LRCH2: variants seen among roughly 807,000 people sequenced by gnomAD.
LRCH2 encodes the protein leucine rich repeats and calponin homology domain containing 2, also known as leucine-rich repeat and calponin homology domain-containing protein 2.
LRCH2 carries 38 observed loss-of-function variants against 68.9 expected under a neutral mutation model. The observed-to-expected ratio is 0.55, with a 90% confidence interval of 0.43 to 0.72. LRCH2 has a LOEUF of 0.72. Ranked by LOEUF, LRCH2 falls within the 30% of genes least tolerant of loss-of-function variation. The pLI, the probability that LRCH2 is intolerant of heterozygous loss-of-function variation, is 0.00. For missense variants in LRCH2, 528 were observed against 572.9 expected, an observed-to-expected ratio of 0.92 and a Z score of 0.80; for synonymous variants, 191 against 208.1, an observed-to-expected ratio of 0.92 and a Z score of 0.71.
intron 5 of LRCH2, among the ~76,000 whole-genome samples, chrX:115,176,629 T>C (rs2072650352): frequency 8.9e-6 from 1 of 111,800 alleles, no homozygotes; most frequent in Non-Finnish European, 1.9e-5. Context: ...AAAATAAATG[T>C]GCTCCCTTTC....
At chrX:115,156,567 A>G in intron 12 of LRCH2, 35 bp downstream of exon 12, 1 of 994,089 alleles carries the variant, frequency 1.0e-6, no homozygotes, top group Non-Finnish European at 1.4e-6. Flanking sequence ...ACTCATTATA[A>G]AATATTAAAT....
At chrX:115,207,404 G>A (rs1423615859) in intron 1 of LRCH2, among the ~76,000 whole-genome samples, 4 of 110,980 alleles carry the variant, frequency 3.6e-5, no homozygotes, top group African/African-American at 1.3e-4. Flanking sequence ...GCTGGGCATG[G>A]TGCATGCCTG....
intron 14 of LRCH2, among the ~76,000 whole-genome samples, chrX:115,147,221 T>C (rs1360676257): frequency 8.9e-6 from 1 of 111,804 alleles, no homozygotes; most frequent in Non-Finnish European, 1.9e-5. Context: ...CAATAGCACT[T>C]TCAATTATCG....
intron 14 of LRCH2, among the ~76,000 whole-genome samples, chrX:115,148,670 G>A: frequency 8.9e-6 from 1 of 111,886 alleles, no homozygotes; most frequent in East Asian, 2.8e-4. Flanking sequence ...CACAATTACA[G>A]ATGTATAAAG....
At chrX:115,146,179 G>A (rs782134131) in intron 14 of LRCH2, among the ~76,000 whole-genome samples, 22 of 111,380 alleles carry the variant, frequency 2.0e-4, no homozygotes, top group Non-Finnish European at 3.6e-4. Flanking sequence ...AATAAGCCAG[G>A]CACAGAAAGA....
Position 115,147,727 on chromosome X carries a change from C to G in LRCH2, c.1695+2100G>C, listed in dbSNP as rs182860918. 2.7e-5 allele frequency among the ~76,000 whole-genome samples: 3 copies of G among 111,111 alleles called. No individual in the cohort carries two copies. In the East Asian group the frequency reaches 8.5e-4, roughly 32 times the overall value. On this transcript the variant is annotated intron_variant, in intron 14 of 20. Coordinates refer to ENST00000317135, the MANE Select transcript of LRCH2 (RefSeq NM_020871.4). ...TAAAATGTGGCCTCTATTAAGACAT[C>G]TTGAGAAGTCCACTCAAGTTACTGT...
At chrX:115,148,421 G>A (rs1238336956) in intron 14 of LRCH2, among the ~76,000 whole-genome samples, 1 of 111,833 alleles carries the variant, frequency 8.9e-6, no homozygotes, top group Admixed American at 9.5e-5. Flanking sequence ...CTATGATAAA[G>A]GAGAACTGGT....
At chrX:115,223,656 T>C (rs975346035) in intron 1 of LRCH2, among the ~76,000 whole-genome samples, 1 of 109,990 alleles carries the variant, frequency 9.1e-6, no homozygotes, top group Non-Finnish European at 1.9e-5. Flanking sequence ...TGGCTCACGC[T>C]TGTAATCCCA....
chrX:115,195,234 A>C (rs1026086974), intron 1 of LRCH2, among the ~76,000 whole-genome samples: 2 of 109,090 alleles, frequency 1.8e-5, no homozygotes, highest in Non-Finnish European at 3.8e-5. Flanking sequence ...CAGTGAGCCG[A>C]GATCGTGCCA....
intron 14 of LRCH2, among the ~76,000 whole-genome samples, chrX:115,133,999 T>C (rs1302515068): frequency 2.7e-5 from 3 of 112,096 alleles, no homozygotes; most frequent in African/African-American, 9.7e-5. Context: ...GCAAAATAAG[T>C]GTTGAAGAAA....
chrX:115,208,430 T>C (rs2072984067), intron 1 of LRCH2, among the ~76,000 whole-genome samples: 1 of 112,041 alleles, frequency 8.9e-6, no homozygotes, highest in Admixed American at 9.5e-5. Flanking sequence ...CTTCAAGACA[T>C]TCCTTGTAAA....
In LRCH2 at chrX:115,120,241, A is replaced by C. The variant is rs1319089942; in HGVS notation, c.2178+2286T>G. Among the ~76,000 whole-genome samples, 9 of 92,721 alleles carry C rather than the reference A, an allele frequency of 9.7e-5. No homozygotes were observed. The South Asian group carries it at 2.4e-3, about 25-fold the overall frequency. The allele number at this position is 92,721 out of a possible 115,157, so 80.5% of individuals were successfully genotyped here. ...CATCAGAGTGAACAGGCAACCTACA[A>C]AATGGGAGAAAATTTTCACAACCTA... On this transcript the variant is annotated intron_variant, in intron 20 of 20. Coordinates refer to ENST00000317135, the MANE Select transcript of LRCH2 (RefSeq NM_020871.4).
intron 7 of LRCH2, 119 bp from the exon 8 acceptor site, chrX:115,166,071 C>A: frequency 1.5e-6 from 1 of 649,931 alleles, no homozygotes; most frequent in South Asian, 2.8e-5. Flanking sequence ...GTTTTCAAAC[C>A]CAAAATTAAC....
intron 1 of LRCH2, among the ~76,000 whole-genome samples, chrX:115,213,464 T>C (rs2073021486): frequency 9.0e-6 from 1 of 111,560 alleles, no homozygotes; most frequent in South Asian, 3.8e-4. Context: ...GCCTTTATCA[T>C]CCATTTGACA....
intron 1 of LRCH2, among the ~76,000 whole-genome samples, chrX:115,206,438 C>T (rs1556568124): frequency 8.9e-6 from 1 of 111,864 alleles, no homozygotes; most frequent in Non-Finnish European, 1.9e-5. Context: ...GCAAGGAACA[C>T]CTGGCCCACC....
At chrX:115,190,521 C>T in intron 1 of LRCH2, 1 of 1,167,768 alleles carries the variant, frequency 8.6e-7, no homozygotes, top group Non-Finnish European at 1.1e-6. Context: ...ACAGCAGGGA[C>T]CACTCGCCCA....
chrX:115,125,629 A>ATATG (rs2072191658), intron 16 of LRCH2, among the ~76,000 whole-genome samples: 1 of 86,347 alleles, frequency 1.2e-5, no homozygotes, highest in African/African-American at 4.5e-5. Flanking sequence ...GTATATATAT[A>ATATG]CATATATATA....
intron 11 of LRCH2, 68 bp from the exon 12 acceptor site, chrX:115,156,735 AT>A (rs1246503252): frequency 4.5e-6 from 3 of 668,714 alleles, no homozygotes; most frequent in Middle Eastern, 3.7e-4. Context: ...TATAAAAAAA[AT>A]CTCTAAAATA....
rs782778691 is a variant in LRCH2 at position 115,192,312 on chromosome X, T to C, written c.350-3942A>G. The C allele has an allele frequency of 5.2e-6, 6 of 1,152,890 alleles. No homozygotes were observed. The Admixed American group carries it at 8.0e-5, about 15-fold the overall frequency. On this transcript the variant is annotated intron_variant, in intron 1 of 20. Coordinates refer to ENST00000317135, the MANE Select transcript of LRCH2 (RefSeq NM_020871.4). The stretch of plus-strand genomic sequence containing the variant: ...ACGAGGAGTACCGAGGCCCCTCGCC[T>C]GACGCCCACAGTGGGGGCCGCGACA...
Sources: allele counts gnomAD v4.1 joint callset (sites outside exome capture counted in the v4.1 genomes callset), GRCh38; gene constraint gnomAD v4.1.1; transcripts MANE v1.5; gene names NCBI Gene and HGNC (gene_info 2026-07-23, HGNC 2026-07-21).